Variants in MARF1 observed in about 807,000 individuals in gnomAD.
MARF1 encodes the protein limkain-b1.
In MARF1, 24 loss-of-function variants were observed where a neutral mutation model predicts 168.2. That is an observed-to-expected ratio of 0.14 (90% CI 0.10 to 0.20). The LOEUF (loss-of-function observed/expected upper bound fraction) is 0.20. MARF1 is among the 10% of genes least tolerant of loss of function. The pLI is 1.00. For synonymous variants in MARF1, 868 were observed against 822.4 expected (o/e 1.06, Z -0.95); for missense variants, 1,744 against 2,143.6 (o/e 0.81, Z 3.68).
At position 15,617,165 on chromosome 16, in the gene MARF1, A is replaced by G. The variant is rs764734067; in HGVS notation, c.2964T>C (p.His988=). The G allele has an allele frequency of 3.1e-6, 5 of 1,613,816 alleles. No individual in the cohort carries two copies. Among genetic ancestry groups the G allele is most frequent in the East Asian group, 2.2e-5 (1 of 44,878 alleles). ...QHCSNKDFSE[H]EFDPDSYKIP... ...TCTTGTAAGAGTCTGGATCAAATTC[A>G]TGTTCGCTGAAGAAAAGAGAACACA... Residue 988 remains histidine (H), a synonymous_variant, in exon 15 of 27, where the codon CAT becomes CAC. Coordinates refer to ENST00000396368, the MANE Select transcript of MARF1 (RefSeq NM_014647.4).
intron 3 of MARF1, 151 bp from the exon 4 acceptor site, chr16:15,635,082 G>C (rs746351825): frequency 2.3e-5 from 14 of 610,324 alleles, no homozygotes; most frequent in Non-Finnish European, 3.9e-5. Flanking sequence ...ATCTTTCCAA[G>C]AACCATTAGC....
chr16:15,600,153 T>C (rs1248096697), intron 25 of MARF1, among the ~76,000 whole-genome samples: 3 of 152,118 alleles, frequency 2.0e-5, no homozygotes, highest in Non-Finnish European at 2.9e-5. Flanking sequence ...CGGAATAATT[T>C]TTTTCTTCAA....
chr16:15,619,450 C>T (rs2034295786), intron 13 of MARF1, among the ~76,000 whole-genome samples: 5 of 152,214 alleles, frequency 3.3e-5, no homozygotes, highest in Admixed American at 3.3e-4. Flanking sequence ...CCTGCCCTCT[C>T]AGACACCACT....
rs140240605 is a variant in MARF1 at position 15,633,175 on chromosome 16, C to CCACACACACACA, written c.1233+430_1233+441dup. On this transcript the variant is annotated intron_variant, in intron 5 of 26. Transcript: ENST00000396368. ...CAGAATTCTAAAAAAAAAAAAAACA[C>CCACACACACACA]CACACACACACACACACACACACAC... is the stretch of plus-strand genomic sequence containing the variant. Among the ~76,000 whole-genome samples, 988 of 136,930 alleles carry CCACACACACACA rather than the reference C, an allele frequency of 7.2e-3. 3 individuals carry two copies. The highest frequency in any genetic ancestry group is 0.032 in the Admixed American group (435 of 13,492). The allele number at this position is 136,930 out of a possible 152,430, so 89.8% of individuals were successfully genotyped here. A position where few individuals can be genotyped will look rare whatever the true frequency, so the allele number is the denominator to read the frequency against.
intron 7 of MARF1, among the ~76,000 whole-genome samples, chr16:15,626,690 T>C (rs1182255011): frequency 6.6e-6 from 1 of 152,174 alleles, no homozygotes; most frequent in African/African-American, 2.4e-5. Context: ...CCTGGCACAG[T>C]GGCTCACGCC....
chr16:15,630,637 TAGGA>T, intron 6 of MARF1, 133 bp from the exon 7 acceptor site: 2 of 698,208 alleles, frequency 2.9e-6, no homozygotes, highest in Non-Finnish European at 4.3e-6. Context: ...CCCCGTTTCT[TAGGA>T]AAGAAACACG....
rs1477751564 is a variant in MARF1 at position 15,614,659 on chromosome 16, G to T, written c.3253+1171C>A. Reference sequence around the variant, plus strand: ...AAAAAAAAAATTAGCCGGGCGTGGTGGCGGGCGCCTGTAGTCCCAGCTCCT... The same window carrying T: ...AAAAAAAAAATTAGCCGGGCGTGGTTGCGGGCGCCTGTAGTCCCAGCTCCT... On this transcript the variant is annotated intron_variant, in intron 16 of 26. Coordinates refer to ENST00000396368, the MANE Select transcript of MARF1 (RefSeq NM_014647.4). Among the ~76,000 whole-genome samples the T allele has an allele frequency of 3.3e-5, 5 of 151,782 alleles. No homozygotes were observed. In the East Asian group the frequency reaches 9.8e-4, roughly 30 times the overall value.
rs2034790251 is a variant in MARF1, at chr16:15,625,598, T to C, written c.1727A>G (p.Asn576Ser). 1.2e-6 allele frequency: 2 copies of C among 1,614,088 alleles called. No homozygotes were observed. Among genetic ancestry groups the C allele is most frequent in the African/African-American group, 1.3e-5 (1 of 74,930 alleles). ...KRMENEDVFGNRIIVSFTPKN... is the reference protein window; with the variant it reads ...KRMENEDVFGSRIIVSFTPKN... ...TGGAGTAAATGACACAATGATCCTATTACCAAAGACATCTTCGTTTTCCAT... is the reference window on the plus strand; with the variant it reads ...TGGAGTAAATGACACAATGATCCTACTACCAAAGACATCTTCGTTTTCCAT... Residue 576 changes from asparagine to serine, a missense_variant, in exon 8 of 27, where the codon AAT (asparagine) becomes AGT (serine). By Grantham distance (46) the Asn-to-Ser change is conservative (BLOSUM62 1). Around this residue, in one of 7 missense-constraint regions of MARF1, gnomAD observed 270 missense variants for 260.6 expected, o/e 1.04. Coordinates refer to ENST00000396368, the MANE Select transcript of MARF1 (RefSeq NM_014647.4).
At position 15,596,637 on chromosome 16, in the gene MARF1, T is replaced by C; in HGVS notation, c.*56A>G. Reference sequence around the variant, plus strand: ...AAGGATGTATTTTTGAAACCCACTTTTGTGTGCAGAATCAGACAGTGTTTT... The same window carrying C: ...AAGGATGTATTTTTGAAACCCACTTCTGTGTGCAGAATCAGACAGTGTTTT... On this transcript the variant is annotated 3_prime_UTR_variant, in exon 27 of 27. Transcript: ENST00000396368. The C allele has an allele frequency of 6.8e-7, 1 of 1,479,702 alleles. No homozygotes were observed. The highest frequency in any genetic ancestry group is 1.5e-5 in the South Asian group (1 of 68,032). 91.7% of individuals were successfully genotyped at this position (1,479,702 alleles called of 1,614,324 possible). A position where few individuals can be genotyped will look rare whatever the true frequency, so the allele number is the denominator to read the frequency against.
chr16:15,630,804 A>C (rs1228065027), intron 6 of MARF1, among the ~76,000 whole-genome samples: 2 of 144,326 alleles, frequency 1.4e-5, no homozygotes, highest in African/African-American at 5.0e-5. Context: ...GCACAAGGTA[A>C]AAAAAAAAAA....
chr16:15,631,326 G>A, intron 6 of MARF1, 55 bp downstream of exon 6: 1 of 1,225,990 alleles, frequency 8.2e-7, no homozygotes. Flanking sequence ...TGGCTTCTAT[G>A]ATAATTTCCC....
intron 18 of MARF1, 130 bp downstream of exon 18, chr16:15,611,462 A>T (rs980812953): frequency 5.8e-6 from 5 of 858,380 alleles, no homozygotes. Context: ...AAAAAAAAAA[A>T]AAACAAAAAA....
At chr16:15,627,040 A>AGAACGAACAAACGAAC (rs1052390345) in intron 7 of MARF1, among the ~76,000 whole-genome samples, 2 of 151,888 alleles carry the variant, frequency 1.3e-5, no homozygotes, top group Non-Finnish European at 2.9e-5. Context: ...AGAGAGAGAA[A>AGAACGAACAAACGAAC]GAACGAACAA....
At chr16:15,599,670 G>T (rs554305909) in intron 25 of MARF1, among the ~76,000 whole-genome samples, 2 of 152,166 alleles carry the variant, frequency 1.3e-5, no homozygotes, top group Non-Finnish European at 2.9e-5. Context: ...AGAAAAGTTA[G>T]AACTGCTATA....
Position 15,639,147 on chromosome 16 carries a change from C to T in MARF1, c.87G>A (p.Trp29Ter). The T allele has an allele frequency of 6.2e-7, 1 of 1,614,162 alleles. No homozygotes were observed. Among genetic ancestry groups the T allele is most frequent in the Non-Finnish European group, 8.5e-7 (1 of 1,180,026 alleles). Reference protein sequence around the residue: ...QQDNDAKPWLWKFSNCFSRPE... With the variant: ...QQDNDAKPWL ...GACGAGAAAAGCAATTAGAGAATTT[C>T]CAAAGCCATGGCTTAGCATCATTAT... Residue 29 changes from tryptophan (W) to a stop codon, truncating the protein, a stop_gained, in exon 2 of 27, where the codon TGG becomes TGA. Coordinates refer to ENST00000396368, the MANE Select transcript of MARF1 (RefSeq NM_014647.4). LOFTEE classifies it high-confidence loss of function.
At position 15,596,786 on chromosome 16, in the gene MARF1, G is replaced by A; in HGVS notation, c.5136C>T (p.Ser1712=). ...PSSETSESLL[S]KDPVESPAKK... The stretch of plus-strand genomic sequence containing the variant: ...TGGCCGGGCTTTCCACGGGGTCCTT[G>A]CTGAGCAGTGACTCGGAGGTTTCCG... Residue 1712 remains serine (S), a synonymous_variant, in exon 27 of 27, where the codon AGC becomes AGT. Transcript: ENST00000396368. The A allele has an allele frequency of 6.2e-7, 1 of 1,614,090 alleles. No homozygotes were observed. Among genetic ancestry groups the A allele is most frequent in the Non-Finnish European group, 8.5e-7 (1 of 1,179,948 alleles).
Position 15,596,819 on chromosome 16 carries a change from G to A in MARF1, c.5103C>T (p.Cys1701=), listed in dbSNP as rs2031747891. 2.5e-6 allele frequency: 4 copies of A among 1,614,188 alleles called. No homozygotes were observed. Among genetic ancestry groups the A allele is most frequent in the South Asian group, 1.1e-5 (1 of 91,088 alleles). The change falls in exon 27 of 27, where the codon TGC becomes TGT. Residue 1701 remains cysteine, a synonymous_variant. Transcript: ENST00000396368. ...CISAAVPVPP[C]PSSETSESLL... is the part of the protein sequence containing the mutation. ...GTGACTCGGAGGTTTCCGAGGAGGGGCAGGGAGGCACGGGGACAGCTGCTG... is the reference window on the plus strand; with the variant it reads ...GTGACTCGGAGGTTTCCGAGGAGGGACAGGGAGGCACGGGGACAGCTGCTG...
At chr16:15,623,156 A>G (rs777848323) in intron 10 of MARF1, 33 bp from the exon 11 acceptor site, 3 of 1,504,142 alleles carry the variant, frequency 2.0e-6, no homozygotes, top group Non-Finnish European at 2.7e-6. Flanking sequence ...CATTATTTTA[A>G]AAAACTGTTC....
chr16:15,632,417 A>G (rs2035310465), intron 5 of MARF1, among the ~76,000 whole-genome samples: 1 of 152,120 alleles, frequency 6.6e-6, no homozygotes, highest in Non-Finnish European at 1.5e-5. Flanking sequence ...CATAGTTTTT[A>G]GTTTCCGTCC....
Sources: allele counts gnomAD v4.1 joint callset (sites outside exome capture counted in the v4.1 genomes callset), GRCh38; gene constraint gnomAD v4.1.1; regional missense constraint gnomAD v4.1.1; transcripts MANE v1.5; gene names NCBI Gene and HGNC (gene_info 2026-07-23, HGNC 2026-07-21).